Variants in SUSD1 observed in about 807,000 individuals in gnomAD.
The protein encoded by SUSD1 is sushi domain containing 1.
SUSD1 carries 65 observed loss-of-function variants against 86.9 expected under a neutral mutation model. That is an observed-to-expected ratio of 0.75 (90% confidence interval 0.61 to 0.92). SUSD1 has a LOEUF of 0.92. SUSD1 is among the 40% of genes least tolerant of loss of function. The probability of loss-of-function intolerance (pLI) is 0.00; values close to 1 mark genes in which losing one functional copy is unlikely to be tolerated. For missense variants in SUSD1, 850 were observed against 929.7 expected (o/e 0.91, Z 1.11); for synonymous variants, 346 against 350.0 (o/e 0.99, Z 0.13).
intron 12 of SUSD1, among the ~76,000 whole-genome samples, chr9:112,064,396 G>T (rs1314153885): frequency 6.6e-6 from 1 of 152,206 alleles, no homozygotes; most frequent in African/African-American, 2.4e-5. Flanking sequence ...TCTAATGCCT[G>T]ATGATCTGAG....
chr9:112,052,017 G>T, intron 15 of SUSD1: 1 of 588,728 alleles, frequency 1.7e-6, no homozygotes, highest in Non-Finnish European at 2.5e-6. Flanking sequence ...GAAAAGCTAT[G>T]TTTTCCCAGT....
intron 5 of SUSD1, among the ~76,000 whole-genome samples, chr9:112,141,464 G>A (rs763163495): frequency 2.6e-5 from 4 of 151,966 alleles, no homozygotes; most frequent in Admixed American, 6.6e-5. Context: ...ATAACTTAAG[G>A]TCAGGAGTTC....
intron 8 of SUSD1, chr9:112,103,065 T>C (rs1483057282): frequency 3.8e-5 from 15 of 397,832 alleles, no homozygotes; most frequent in South Asian, 2.7e-4. Flanking sequence ...CAAACAAGAC[T>C]GCATGTTTTC....
intron 16 of SUSD1, 49 bp from the exon 17 acceptor site, chr9:112,041,541 G>A (rs772489832): frequency 6.4e-6 from 5 of 780,810 alleles, no homozygotes; most frequent in South Asian, 5.4e-5. Context: ...ACACACTTTG[G>A]TTTTCCCACT....
At position 112,120,322 on chromosome 9, in the gene SUSD1, A is replaced by C. The variant is rs1362679328; in HGVS notation, c.886+3935T>G. Reference sequence around the variant, plus strand: ...ATCTCCAACAACAACAACAAAATACACAGAGACAGTTGGGATGAGGGGAGT... The same window carrying C: ...ATCTCCAACAACAACAACAAAATACCCAGAGACAGTTGGGATGAGGGGAGT... On this transcript the variant is annotated intron_variant, in intron 6 of 16. Coordinates refer to ENST00000374270, the MANE Select transcript of SUSD1 (RefSeq NM_022486.5). Among the ~76,000 whole-genome samples, 12 of 152,126 alleles carry C rather than the reference A, an allele frequency of 7.9e-5. No individual in the cohort carries two copies. In the East Asian group the frequency reaches 2.1e-3, roughly 27 times the overall value.
chr9:112,173,034 T>C (rs1834111279), intron 1 of SUSD1, among the ~76,000 whole-genome samples: 1 of 152,240 alleles, frequency 6.6e-6, no homozygotes, highest in South Asian at 2.1e-4. Flanking sequence ...AGCTACTAGC[T>C]GTGTTCAGCC....
intron 1 of SUSD1, among the ~76,000 whole-genome samples, chr9:112,173,117 A>G (rs1176185490): frequency 1.3e-5 from 2 of 152,160 alleles, no homozygotes; most frequent in Non-Finnish European, 2.9e-5. Context: ...GAAGATCCTG[A>G]AATAGACGCC....
At chr9:112,166,432 G>A (rs1833830093) in intron 1 of SUSD1, among the ~76,000 whole-genome samples, 1 of 152,222 alleles carries the variant, frequency 6.6e-6, no homozygotes, top group Non-Finnish European at 1.5e-5. Context: ...CAGTAGGGGA[G>A]AGGCAGGGCC....
intron 8 of SUSD1, among the ~76,000 whole-genome samples, chr9:112,110,731 G>C (rs1831058537): frequency 6.6e-6 from 1 of 150,992 alleles, no homozygotes; most frequent in Non-Finnish European, 1.5e-5. Flanking sequence ...CCCATAACCA[G>C]AGCTTTTTTT....
intron 8 of SUSD1, among the ~76,000 whole-genome samples, chr9:112,104,530 C>T (rs911018678): frequency 1.3e-5 from 2 of 152,094 alleles, no homozygotes; most frequent in Non-Finnish European, 2.9e-5. Flanking sequence ...ACAGAAGGGG[C>T]TTGCCTCTTT....
intron 14 of SUSD1, among the ~76,000 whole-genome samples, chr9:112,055,501 A>T (rs757515477): frequency 2.0e-5 from 3 of 152,130 alleles, no homozygotes; most frequent in Non-Finnish European, 4.4e-5. Flanking sequence ...AAGAAAACAG[A>T]AAACAGTAAG....
rs63726462 is a variant in SUSD1 at position 112,068,718 on chromosome 9, T to A, written c.1754-5685A>T. Among the ~76,000 whole-genome samples the A allele has an allele frequency of 8.5e-3, 767 of 90,518 alleles. 12 individuals are homozygous for A. Among genetic ancestry groups the A allele is most frequent in the African/African-American group, 0.06 (675 of 11,180 alleles). The allele number at this position is 90,518 out of a possible 152,430, so 59.4% of individuals were successfully genotyped here. A position where few individuals can be genotyped will look rare whatever the true frequency, so the allele number is the denominator to read the frequency against. On this transcript the variant is annotated intron_variant, in intron 12 of 16. Coordinates refer to ENST00000374270, the MANE Select transcript of SUSD1 (RefSeq NM_022486.5). Reference sequence around the variant, plus strand: ...CTGTCTCAAAAAAAAAAAAAAAAAATATTTTTAGCCGTTCTGCACTTCAAA... The same window carrying A: ...CTGTCTCAAAAAAAAAAAAAAAAAAAATTTTTAGCCGTTCTGCACTTCAAA...
chr9:112,167,729 G>C (rs774105711), intron 1 of SUSD1, among the ~76,000 whole-genome samples: 4 of 152,218 alleles, frequency 2.6e-5, no homozygotes, highest in African/African-American at 4.8e-5. Context: ...TTATATGGTT[G>C]TTGTGAGGAT....
chr9:112,071,441 C>T (rs1406084257), intron 12 of SUSD1, among the ~76,000 whole-genome samples: 1 of 151,232 alleles, frequency 6.6e-6, no homozygotes, highest in African/African-American at 2.4e-5. Context: ...GCCAGGGCAA[C>T]ATAATGAAAC....
intron 10 of SUSD1, among the ~76,000 whole-genome samples, chr9:112,092,018 C>T (rs16916655): frequency 0.02 from 3,050 of 152,228 alleles, 103 homozygotes; most frequent in African/African-American, 0.069. Context: ...AGGAGGCCAG[C>T]GTTCAATTCA....
chr9:112,097,632 C>T (rs1317430544), intron 10 of SUSD1, among the ~76,000 whole-genome samples: 1 of 151,970 alleles, frequency 6.6e-6, no homozygotes, highest in East Asian at 1.9e-4. Context: ...CTCCTGACCT[C>T]AGGTGATCTG....
At chr9:112,048,355 G>A (rs1019443564) in intron 15 of SUSD1, among the ~76,000 whole-genome samples, 1 of 151,942 alleles carries the variant, frequency 6.6e-6, no homozygotes, top group Admixed American at 6.6e-5. Flanking sequence ...CAACTATAAA[G>A]GTTTAAAATG....
intron 1 of SUSD1, chr9:112,169,195 T>G (rs1401183219): frequency 1.3e-5 from 2 of 152,078 alleles, no homozygotes; most frequent in Admixed American, 1.3e-4. Context: ...TCTCCAGCAA[T>G]GTAATATTTG....
chr9:112,122,190 A>G (rs1388771163), intron 6 of SUSD1, among the ~76,000 whole-genome samples: 1 of 152,192 alleles, frequency 6.6e-6, no homozygotes, highest in Non-Finnish European at 1.5e-5. Flanking sequence ...TAATTGAGAC[A>G]GAGTCTCGCT....
Sources: allele counts gnomAD v4.1 joint callset (sites outside exome capture counted in the v4.1 genomes callset), GRCh38; gene constraint gnomAD v4.1.1; transcripts MANE v1.5; gene names NCBI Gene and HGNC (gene_info 2026-07-23, HGNC 2026-07-21).